ABHD2: variants seen among roughly 807,000 people sequenced by gnomAD.
ABHD2 encodes the protein abhydrolase domain containing 2, acylglycerol lipase, also known as monoacylglycerol lipase ABHD2.
ABHD2 carries 20 observed loss-of-function variants against 48.1 expected under a neutral mutation model. The observed-to-expected ratio is 0.42, with a 90% confidence interval of 0.29 to 0.60. The LOEUF is 0.60. Among genes scored for constraint, ABHD2 ranks in the 20% least tolerant of loss-of-function variants. The pLI is 0.24. For missense variants in ABHD2, 405 were observed against 550.9 expected, an observed-to-expected ratio of 0.74 and a Z score of 2.65; for synonymous variants, 209 against 214.2, an observed-to-expected ratio of 0.98 and a Z score of 0.21.
the ABHD2 span, among the ~76,000 whole-genome samples, chr15:89,069,674 CTTT>C: frequency 7.8e-3 from 410 of 52,882 alleles, 5 homozygotes; most frequent in African/African-American, 0.029. Context: ...TTCATTTACT[CTTT>C]TTTTTTTTTT....
rs1348762153 is a variant in ABHD2 at position 89,166,754 on chromosome 15, G to A, written c.539-9058G>A. The stretch of plus-strand genomic sequence containing the variant: ...CAGGAGTTCAAGGCTACACTGAGCT[G>A]TGATCATGCCACTGCACAGCCTGAG... On this transcript the variant is annotated intron_variant, in intron 5 of 10. Transcript: ENST00000352732. This position sits in a 1 kb window ranked among gnomAD's most constrained non-coding sequence, Gnocchi z 4.6. Among the ~76,000 whole-genome samples the A allele has an allele frequency of 6.6e-6, 1 of 152,202 alleles. No individual in the cohort carries two copies.
In ABHD2 at chr15:89,116,247, A is replaced by G. The variant is rs1226206901; in HGVS notation, c.-6-75A>G. Reference sequence around the variant, plus strand: ...CACTGGCAGTATCTCTTAGCCCACCATGCGTCTGTAGGGTGGTGGGCACCA... The same window carrying G: ...CACTGGCAGTATCTCTTAGCCCACCGTGCGTCTGTAGGGTGGTGGGCACCA... On this transcript the variant is annotated intron_variant, in intron 2 of 10. Transcript: ENST00000352732. The surrounding 1 kb of genome is among the most constrained non-coding windows in gnomAD (Gnocchi z 4.6). 7.2e-7 allele frequency: 1 copy of G among 1,382,676 alleles called. No individual in the cohort carries two copies. Among genetic ancestry groups the G allele is most frequent in the Non-Finnish European group, 1.0e-6 (1 of 1,004,894 alleles). 85.7% of individuals were successfully genotyped at this position (1,382,676 alleles called of 1,614,324 possible).
At chr15:89,172,721 C>T (rs79257830) in intron 5 of ABHD2, among the ~76,000 whole-genome samples, 2 of 152,158 alleles carry the variant, frequency 1.3e-5, no homozygotes, top group African/African-American at 4.8e-5. Context: ...AACAACTCTA[C>T]GAAGTCTTTA....
In ABHD2 at chr15:89,155,670, C is replaced by T; in HGVS notation, c.538+136C>T. ...ATGGTAGGTCACACGGTTATATCAA[C>T]AGCCAACTTGTACTGGGCATTGATG... is the stretch of plus-strand genomic sequence containing the variant. On this transcript the variant is annotated intron_variant, in intron 5 of 10. Coordinates refer to ENST00000352732, the MANE Select transcript of ABHD2 (RefSeq NM_152924.5). The surrounding 1 kb of genome is among the most constrained non-coding windows in gnomAD (Gnocchi z 4.9). The T allele has an allele frequency of 8.9e-7, 1 of 1,122,816 alleles. No individual in the cohort carries two copies. The highest frequency in any genetic ancestry group is 1.6e-5 in the South Asian group (1 of 64,054). 69.6% of individuals were successfully genotyped at this position (1,122,816 alleles called of 1,614,324 possible).
intron 3 of ABHD2, among the ~76,000 whole-genome samples, chr15:89,130,654 C>T (rs1449895384): frequency 6.6e-6 from 1 of 152,184 alleles, no homozygotes; most frequent in East Asian, 1.9e-4. Flanking sequence ...GAGAGCTTGT[C>T]CAGCCCATAG....
At chr15:89,049,755 T>C in the ABHD2 span, among the ~76,000 whole-genome samples, 1 of 152,250 alleles carries the variant, frequency 6.6e-6, no homozygotes, top group African/African-American at 2.4e-5. Context: ...GGCTGGCGCA[T>C]GATGCACGCA....
the ABHD2 span, among the ~76,000 whole-genome samples, chr15:89,075,719 G>A: frequency 2.3e-3 from 355 of 152,270 alleles, no homozygotes; most frequent in African/African-American, 8.1e-3. This position sits in a 1 kb window ranked among gnomAD's most constrained non-coding sequence, Gnocchi z 4.1. Flanking sequence ...CAACTCAAGC[G>A]CTGGGAGAGG....
intron 5 of ABHD2, among the ~76,000 whole-genome samples, chr15:89,165,886 C>T (rs1420593414): frequency 6.6e-6 from 1 of 152,232 alleles, no homozygotes; most frequent in Non-Finnish European, 1.5e-5. Flanking sequence ...CAGCATTCTG[C>T]TTCTTCTGTC....
At chr15:89,073,388 T>G in the ABHD2 span, among the ~76,000 whole-genome samples, 1 of 152,062 alleles carries the variant, frequency 6.6e-6, no homozygotes, top group African/African-American at 2.4e-5. Flanking sequence ...TTCCGCCTCC[T>G]AGGTTCAAGC....
chr15:89,041,949 G>A, the ABHD2 span, among the ~76,000 whole-genome samples: 1 of 152,214 alleles, frequency 6.6e-6, no homozygotes, highest in Admixed American at 6.5e-5. Flanking sequence ...CCTGGAGGGG[G>A]TCGGAACCAG....
chr15:89,174,986 C>T lies in ABHD2; in HGVS notation c.539-826C>T, dbSNP rs2050988181. On this transcript the variant is annotated intron_variant, in intron 5 of 10. Transcript: ENST00000352732. This position sits in a 1 kb window ranked among gnomAD's most constrained non-coding sequence, Gnocchi z 4.1. ...TGAATGAGCCTGCCTCCCTTGGCAC[C>T]CTGTCCCTATGTCACCAAGAACGTT... Among the ~76,000 whole-genome samples, 1 of 152,142 alleles carries T rather than the reference C, an allele frequency of 6.6e-6. No individual in the cohort carries two copies. The highest frequency in any genetic ancestry group is 1.9e-4 in the East Asian group (1 of 5,200).
upstream of ABHD2, chr15:89,088,101 C>G (rs1306784362): frequency 6.6e-6 from 1 of 152,352 alleles, no homozygotes; most frequent in Admixed American, 6.5e-5. The surrounding 1 kb of genome is among the most constrained non-coding windows in gnomAD (Gnocchi z 6.8). Flanking sequence ...GTCACAATTA[C>G]CCGTCTCTTC....
At chr15:89,144,324 G>A (rs1013029987) in intron 3 of ABHD2, among the ~76,000 whole-genome samples, 1 of 152,066 alleles carries the variant, frequency 6.6e-6, no homozygotes, top group Admixed American at 6.5e-5. Flanking sequence ...GTAGGGATGG[G>A]GTTTCACCAT....
chr15:89,050,249 A>G, the ABHD2 span, among the ~76,000 whole-genome samples: 1 of 152,296 alleles, frequency 6.6e-6, no homozygotes, highest in Non-Finnish European at 1.5e-5. Context: ...GGATCACAGA[A>G]GAGTGTCATG....
chr15:89,071,377 T>C, the ABHD2 span, among the ~76,000 whole-genome samples: 1 of 152,092 alleles, frequency 6.6e-6, no homozygotes, highest in African/African-American at 2.4e-5. Context: ...GCCAAGATTG[T>C]GCCTTTGCAT....
rs1203773826 is a variant in ABHD2 at position 89,195,379 on chromosome 15, T to C, written c.1234T>C (p.Leu412=). ...CATTTGCCAATGGGAGCGTAACAAG[T>C]TGCAGTGCTCTGACACGGAGCAGGT... The part of the protein sequence containing the change: ...NAICQWERNK[L]QCSDTEQVEA... The change falls in exon 11 of 11, where the codon TTG becomes CTG. Residue 412 remains leucine (L), a synonymous_variant. Coordinates refer to ENST00000352732, the MANE Select transcript of ABHD2 (RefSeq NM_152924.5). The surrounding 1 kb of genome is among the most constrained non-coding windows in gnomAD (Gnocchi z 5.1). The C allele has an allele frequency of 3.7e-6, 6 of 1,614,158 alleles. No individual in the cohort carries two copies. In the Admixed American group the frequency reaches 1.0e-4, roughly 27 times the overall value.
chr15:89,066,004 A>G, the ABHD2 span, among the ~76,000 whole-genome samples: 1 of 152,184 alleles, frequency 6.6e-6, no homozygotes, highest in Non-Finnish European at 1.5e-5. Context: ...TCATGCATCC[A>G]AAGACATTAA....
At chr15:89,057,073 C>T in the ABHD2 span, among the ~76,000 whole-genome samples, 2 of 151,964 alleles carry the variant, frequency 1.3e-5, no homozygotes, top group Non-Finnish European at 2.9e-5. Context: ...GCCACCACGC[C>T]CGGCTAATTT....
Position 89,168,629 on chromosome 15 carries a change from TGAG to T in ABHD2, c.539-7181_539-7179del, listed in dbSNP as rs1256574760. ...CAGATGTGTTTGGATTTAATTAAAT[TGAG>T]GCTCCCAAAGTGCCTACACAATTAG... On this transcript the variant is annotated intron_variant, in intron 5 of 10. Transcript: ENST00000352732. The surrounding 1 kb of genome is among the most constrained non-coding windows in gnomAD (Gnocchi z 4.8). 6.6e-6 allele frequency among the ~76,000 whole-genome samples: 1 copy of T among 152,196 alleles called. No individual in the cohort carries two copies. The highest frequency in any genetic ancestry group is 1.5e-5 in the Non-Finnish European group (1 of 68,026).
Sources: allele counts gnomAD v4.1 joint callset (sites outside exome capture counted in the v4.1 genomes callset), GRCh38; gene constraint gnomAD v4.1.1; non-coding constraint Gnocchi (gnomAD v3.1); transcripts MANE v1.5; gene names NCBI Gene and HGNC (gene_info 2026-07-23, HGNC 2026-07-21).